Variants in PAX8 observed in about 807,000 individuals in gnomAD.
PAX8 encodes the protein paired box 8.
PAX8 carries 15 observed loss-of-function variants against 52.4 expected under a neutral mutation model. That is an observed-to-expected ratio of 0.29 (90% CI 0.19 to 0.44). The LOEUF is 0.44. Ranked by LOEUF, PAX8 falls within the 20% of genes least tolerant of loss-of-function variation. PAX8 has a pLI of 1.00. For missense variants in PAX8, 554 were observed against 602.5 expected (o/e 0.92, Z 0.84); for synonymous variants, 284 against 249.7 (o/e 1.14, Z -1.29).
At chr2:113,275,543 C>T (rs1194298922) in intron 2 of PAX8, 1 of 152,234 alleles carries the variant, frequency 6.6e-6, no homozygotes. Context: ...TCTGCCTTGT[C>T]TTATTTTACC....
intron 9 of PAX8, 25 bp downstream of exon 9, chr2:113,235,369 T>A: frequency 6.5e-7 from 1 of 1,547,068 alleles, no homozygotes; most frequent in Non-Finnish European, 8.7e-7. Flanking sequence ...CATAGCTGCA[T>A]GGCCCCGGGA....
At chr2:113,230,299 C>T (rs1293100199) in intron 9 of PAX8, among the ~76,000 whole-genome samples, 2 of 152,212 alleles carry the variant, frequency 1.3e-5, no homozygotes, top group African/African-American at 4.8e-5. Flanking sequence ...TGTTCCTTCT[C>T]GTTCTATTAC....
chr2:113,243,071 TGAA>T (rs553405835), intron 4 of PAX8, among the ~76,000 whole-genome samples: 21 of 152,318 alleles, frequency 1.4e-4, no homozygotes, highest in African/African-American at 4.6e-4. Flanking sequence ...TTTGACCTTG[TGAA>T]CCTTGCCAAC....
rs79776906 is a variant in PAX8 at position 113,229,462 on chromosome 2, C to T, written c.1088-2206G>A. Among the ~76,000 whole-genome samples the T allele has an allele frequency of 6.4e-3, 974 of 152,278 alleles. 14 individuals carry two copies. The highest frequency in any genetic ancestry group is 0.022 in the African/African-American group (902 of 41,556). On this transcript the variant is annotated intron_variant, in intron 9 of 11. Coordinates refer to ENST00000429538, the MANE Select transcript of PAX8 (RefSeq NM_003466.4). Reference sequence around the variant, plus strand: ...GCCATCAGTGTTCATTGTTTAAAACCGTGTGAATGTTTTGGTAAACCTGAA... The same window carrying T: ...GCCATCAGTGTTCATTGTTTAAAACTGTGTGAATGTTTTGGTAAACCTGAA...
chr2:113,231,439 G>C (rs1311412084), intron 9 of PAX8, among the ~76,000 whole-genome samples: 2 of 152,202 alleles, frequency 1.3e-5, no homozygotes, highest in Non-Finnish European at 2.9e-5. Context: ...CTTCTTTCTT[G>C]GCTGACTGGG....
chr2:113,235,515 G>A lies in PAX8; in HGVS notation c.966C>T (p.Ser322=). ...CCAAAAAGGCGGAGCTAGATAAAGA[G>A]GAAGGGGTGGAGCTAGAACTGGACA... ...PEVSSSSSTP[S]SLSSSAFLDL... The change falls in exon 9 of 12, where the codon TCC becomes TCT. Residue 322 remains serine, a synonymous_variant. Transcript: ENST00000429538. 3 of 1,613,966 alleles carry A rather than the reference G, an allele frequency of 1.9e-6. No individual in the cohort carries two copies. Among genetic ancestry groups the A allele is most frequent in the Non-Finnish European group, 2.5e-6 (3 of 1,179,864 alleles).
chr2:113,263,506 G>T (rs1354488260), intron 2 of PAX8: 1 of 152,374 alleles, frequency 6.6e-6, no homozygotes, highest in African/African-American at 2.4e-5. Flanking sequence ...GGACTTGGTT[G>T]CATCCAGGAT....
chr2:113,231,505 C>T (rs1689885962), intron 9 of PAX8, among the ~76,000 whole-genome samples: 2 of 152,038 alleles, frequency 1.3e-5, no homozygotes, highest in African/African-American at 2.4e-5. Context: ...TCAGAGCCAC[C>T]AGGCGGAAAT....
chr2:113,251,351 A>G (rs1558731355), intron 2 of PAX8, among the ~76,000 whole-genome samples: 1 of 150,844 alleles, frequency 6.6e-6, no homozygotes, highest in East Asian at 2.0e-4. Flanking sequence ...AATGAGTAGG[A>G]GCCTCCTGGT....
Position 113,236,592 on chromosome 2 carries a change from G to A in PAX8, c.898+9C>T. On this transcript the variant is annotated intron_variant, in intron 8 of 11. Coordinates refer to ENST00000429538, the MANE Select transcript of PAX8 (RefSeq NM_003466.4). ...CCTCCACCTGCCAGGGAGGCTCCGG[G>A]CGTTGTACCTGCCACCACGGGGTAG... The A allele has an allele frequency of 6.4e-7, 1 of 1,562,926 alleles. No individual in the cohort carries two copies. Among genetic ancestry groups the A allele is most frequent in the Non-Finnish European group, 8.7e-7 (1 of 1,155,096 alleles).
intron 4 of PAX8, among the ~76,000 whole-genome samples, 190 bp downstream of exon 4, chr2:113,244,237 C>T (rs1691120997): frequency 6.6e-6 from 1 of 152,132 alleles, no homozygotes; most frequent in African/African-American, 2.4e-5. Flanking sequence ...TGCCCCATAG[C>T]ATGGGGCAAG....
At chr2:113,232,263 C>T (rs529240544) in intron 9 of PAX8, among the ~76,000 whole-genome samples, 2 of 152,356 alleles carry the variant, frequency 1.3e-5, no homozygotes, top group South Asian at 4.1e-4. Context: ...CACCAGCCAT[C>T]CCCTCCCTTG....
At position 113,227,229 on chromosome 2, in the gene PAX8, G is replaced by A. The variant is rs1190937197; in HGVS notation, c.1115C>T (p.Pro372Leu). 1 of 1,610,610 alleles carries A rather than the reference G, an allele frequency of 6.2e-7. No individual in the cohort carries two copies. The highest frequency in any genetic ancestry group is 1.7e-5 in the Admixed American group (1 of 59,522). ...SGREMVGPTL[P>L]GYPPHIPTSG... The stretch of plus-strand genomic sequence containing the variant: ...GGTGGGGATGTGGGGTGGGTATCCG[G>A]GCAGCGTGGGCCCCACCATCTCTCG... Residue 372 changes from proline (P) to leucine (L), a missense_variant, in exon 10 of 12, where the codon CCC becomes CTC. Transcript: ENST00000429538.
intron 10 of PAX8, 111 bp from the exon 11 acceptor site, chr2:113,220,289 G>T: frequency 1.3e-6 from 1 of 741,016 alleles, no homozygotes; most frequent in South Asian, 1.5e-5. Context: ...AATGGTTGGG[G>T]AGACAGTTGG....
chr2:113,216,643 C>T lies in PAX8; in HGVS notation c.*1890G>A. The T allele has an allele frequency of 4.4e-6, 1 of 227,056 alleles. No homozygotes were observed. The highest frequency in any genetic ancestry group is 1.3e-3 in the Middle Eastern group (1 of 752). 14.1% of individuals were successfully genotyped at this position (227,056 alleles called of 1,614,324 possible). On this transcript the variant is annotated 3_prime_UTR_variant, in exon 12 of 12. Transcript: ENST00000429538. ...TGCTAAGTCTCTACAGCCTCCCTCA[C>T]CTTGTCCTGGCCACACTACACTCTA... is the stretch of plus-strand genomic sequence containing the variant.
chr2:113,246,848 G>T lies in PAX8; in HGVS notation c.97C>A (p.Arg33Ser). 6.2e-7 allele frequency: 1 copy of T among 1,614,154 alleles called. No homozygotes were observed. Among genetic ancestry groups the T allele is most frequent in the Admixed American group, 1.7e-5 (1 of 60,036 alleles). The change falls in exon 3 of 12, where the codon CGC becomes AGC. Residue 33 changes from arginine (R) to serine (S), a missense_variant. Around this residue, in one of 2 missense-constraint regions of PAX8, gnomAD observed 109 missense variants for 192.7 expected, o/e 0.57. Transcript: ENST00000429538. ...CCCTGGTGGGCCAGGTCTACGATGCGCTGGCGGACCACTTCCGGCAGAGGT... is the reference window on the plus strand; with the variant it reads ...CCCTGGTGGGCCAGGTCTACGATGCTCTGGCGGACCACTTCCGGCAGAGGT... ...GRPLPEVVRQ[R>S]IVDLAHQGVR...
chr2:113,255,292 A>G (rs1359678477), intron 2 of PAX8: 1 of 11,656 alleles, frequency 8.6e-5, no homozygotes, highest in Non-Finnish European at 1.5e-4. Flanking sequence ...GGAGGGAGGG[A>G]GGAGGGAGGG....
chr2:113,255,824 A>G (rs1357528347), intron 2 of PAX8, among the ~76,000 whole-genome samples: 1 of 152,136 alleles, frequency 6.6e-6, no homozygotes, highest in Admixed American at 6.5e-5. Flanking sequence ...AACATCCATC[A>G]GGGGAAAAAA....
chr2:113,253,013 C>G (rs1394160158), intron 2 of PAX8, among the ~76,000 whole-genome samples: 1 of 152,248 alleles, frequency 6.6e-6, no homozygotes, highest in African/African-American at 2.4e-5. Flanking sequence ...TCAGCCTGCT[C>G]TGTGCCTCCT....
Sources: allele counts gnomAD v4.1 joint callset (sites outside exome capture counted in the v4.1 genomes callset), GRCh38; gene constraint gnomAD v4.1.1; regional missense constraint gnomAD v4.1.1; transcripts MANE v1.5; gene names NCBI Gene and HGNC (gene_info 2026-07-23, HGNC 2026-07-21).